Variants in APOOL observed in about 807,000 individuals in gnomAD.
APOOL encodes apolipoprotein O like.
In APOOL, 12 loss-of-function variants were observed where a neutral mutation model predicts 23.1. The observed-to-expected ratio is 0.52, with a 90% CI of 0.33 to 0.84. The LOEUF is 0.84. Among genes scored for constraint, APOOL ranks in the 40% least tolerant of loss-of-function variants. The probability of loss-of-function intolerance (pLI) is 0.02; values close to 1 mark genes in which losing one functional copy is unlikely to be tolerated. For missense variants in APOOL, 212 were observed against 199.6 expected, an observed-to-expected ratio of 1.06 and a Z score of -0.37; for synonymous variants, 77 against 69.9, an observed-to-expected ratio of 1.10 and a Z score of -0.51.
At chrX:85,049,686 C>T (rs1167635105) in intron 2 of APOOL, among the ~76,000 whole-genome samples, 1 of 110,581 alleles carries the variant, frequency 9.0e-6, no homozygotes, top group Non-Finnish European at 1.9e-5. Flanking sequence ...ACTCGGGATG[C>T]TGAGGTGAGA....
chrX:85,054,347 G>A lies in APOOL; in HGVS notation c.244G>A (p.Val82Ile). 1 of 1,186,701 alleles carries A rather than the reference G, an allele frequency of 8.4e-7. No homozygotes were observed. Among genetic ancestry groups the A allele is most frequent in the Non-Finnish European group, 1.1e-6 (1 of 882,694 alleles). Residue 82 changes from valine to isoleucine, a missense_variant, in exon 4 of 9, where the codon GTT becomes ATT. Physicochemically the swap from Val to Ile is conservative, Grantham distance 29 (BLOSUM62 3). Coordinates refer to ENST00000373173, the MANE Select transcript of APOOL (RefSeq NM_198450.6). ...CCCCCCCTTTTTTTTTGCTTAGGGT[G>A]TTTATGTCTTTGTGAAAAATGGGAT... is the stretch of plus-strand genomic sequence containing the variant. ...TGCYIGWCKG[V>I]YVFVKNGIMD...
chrX:85,048,444 T>G (rs187624580), intron 2 of APOOL, among the ~76,000 whole-genome samples: 3 of 111,841 alleles, frequency 2.7e-5, no homozygotes, highest in African/African-American at 9.7e-5. Flanking sequence ...CTGCTTATTA[T>G]GGAATATGCA....
At chrX:85,027,957 G>A (rs1375151204) in intron 1 of APOOL, among the ~76,000 whole-genome samples, 2 of 111,855 alleles carry the variant, frequency 1.8e-5, no homozygotes, top group Non-Finnish European at 3.8e-5. Flanking sequence ...AAACAATTGT[G>A]TACAGGATTT....
chrX:85,030,957 C>T (rs1922019275), intron 1 of APOOL, among the ~76,000 whole-genome samples: 1 of 111,513 alleles, frequency 9.0e-6, no homozygotes. Context: ...TTTCAGAGTT[C>T]ACCAGAATTG....
Position 85,092,553 on chromosome X carries a change from G to A in APOOL, c.*4875G>A, listed in dbSNP as rs751441801. ...AGTGCATGCAGTTACATTGAGTTGT[G>A]ATGGCTATCTGTTTAAAAACAAACA... On this transcript the variant is annotated 3_prime_UTR_variant, in exon 9 of 9. Transcript: ENST00000373173. 1.7e-6 allele frequency: 2 copies of A among 1,203,956 alleles called. No homozygotes were observed. Among genetic ancestry groups the A allele is most frequent in the Non-Finnish European group, 2.2e-6 (2 of 890,980 alleles).
At chrX:85,081,913 T>C (rs1376497012) in intron 8 of APOOL, among the ~76,000 whole-genome samples, 4 of 112,274 alleles carry the variant, frequency 3.6e-5, no homozygotes, top group Non-Finnish European at 7.5e-5. Flanking sequence ...ATGAGTCATG[T>C]AGCTCTCGTG....
intron 5 of APOOL, among the ~76,000 whole-genome samples, chrX:85,066,384 G>A (rs772540005): frequency 9.0e-6 from 1 of 111,457 alleles, no homozygotes; most frequent in East Asian, 2.8e-4. Context: ...TAAAGGAAAA[G>A]CCACACAGCT....
At chrX:85,082,594 T>C (rs767356854) in intron 8 of APOOL, among the ~76,000 whole-genome samples, 4 of 111,382 alleles carry the variant, frequency 3.6e-5, no homozygotes, top group African/African-American at 9.8e-5. Flanking sequence ...TAATATTTCA[T>C]AGCAAGTGAA....
intron 1 of APOOL, among the ~76,000 whole-genome samples, chrX:85,030,396 C>T (rs1921998579): frequency 1.8e-5 from 2 of 110,596 alleles, no homozygotes; most frequent in Non-Finnish European, 3.8e-5. Flanking sequence ...AAAAAAAACA[C>T]TACACCTTAG....
At chrX:85,037,900 T>G (rs1184849485) in intron 1 of APOOL, among the ~76,000 whole-genome samples, 1 of 111,247 alleles carries the variant, frequency 9.0e-6, no homozygotes, top group Non-Finnish European at 1.9e-5. Flanking sequence ...GTAAAAACTC[T>G]TGTAGACATC....
chrX:85,078,161 G>A (rs1190210983), intron 8 of APOOL, among the ~76,000 whole-genome samples: 2 of 111,801 alleles, frequency 1.8e-5, no homozygotes, highest in African/African-American at 6.5e-5. Flanking sequence ...TGAAGTCCTT[G>A]CCCATGCCTA....
chrX:85,042,047 A>T, intron 1 of APOOL, among the ~76,000 whole-genome samples: 1 of 111,598 alleles, frequency 9.0e-6, no homozygotes, highest in East Asian at 2.8e-4. Context: ...CAAAACAAAA[A>T]TTCTTAATAG....
Position 85,069,637 on chromosome X carries a change from AT to A in APOOL, c.486+2420del, listed in dbSNP as rs1156397745. On this transcript the variant is annotated intron_variant, in intron 6 of 8. Coordinates refer to ENST00000373173, the MANE Select transcript of APOOL (RefSeq NM_198450.6). ...AAAAAAAAAAAAAAAAAAAAAAAAA[AT>A]CTTTCCTTTTTCTCTATTTTGAAGT... Among the ~76,000 whole-genome samples, 752 of 105,174 alleles carry A rather than the reference AT, an allele frequency of 7.2e-3. 8 individuals carry two copies. The highest frequency in any genetic ancestry group is 0.011 in the Non-Finnish European group (541 of 51,233). 91.3% of individuals were successfully genotyped at this position (105,174 alleles called of 115,157 possible). A position where few individuals can be genotyped will look rare whatever the true frequency, so the allele number is the denominator to read the frequency against.
At chrX:85,086,751 G>C (rs969642736) in intron 8 of APOOL, among the ~76,000 whole-genome samples, 1 of 94,880 alleles carries the variant, frequency 1.1e-5, no homozygotes, top group Non-Finnish European at 2.1e-5. Context: ...CCAGGTTGGA[G>C]TGCAGTGGCG....
intron 4 of APOOL, among the ~76,000 whole-genome samples, chrX:85,054,658 G>T (rs892278637): frequency 7.2e-5 from 8 of 110,906 alleles, no homozygotes; most frequent in African/African-American, 2.3e-4. Flanking sequence ...TCACAATTAT[G>T]TTAGTATTGG....
At chrX:85,086,044 G>C (rs768043068) in intron 8 of APOOL, among the ~76,000 whole-genome samples, 1 of 112,244 alleles carries the variant, frequency 8.9e-6, no homozygotes, top group African/African-American at 3.2e-5. Context: ...GTGGGATTAT[G>C]AGATAATGCA....
intron 1 of APOOL, among the ~76,000 whole-genome samples, chrX:85,041,784 G>A (rs971469017): frequency 2.7e-5 from 3 of 111,168 alleles, no homozygotes; most frequent in African/African-American, 9.8e-5. Context: ...AAGTGTGAGT[G>A]TCTGGGGGCT....
intron 7 of APOOL, 26 bp downstream of exon 7, chrX:85,074,137 T>C (rs1923763377): frequency 2.6e-6 from 3 of 1,151,555 alleles, no homozygotes; most frequent in African/African-American, 1.8e-5. Flanking sequence ...AGCAAGACGG[T>C]CAACATTGAG....
At chrX:85,071,361 A>G (rs1923658388) in intron 6 of APOOL, among the ~76,000 whole-genome samples, 2 of 110,825 alleles carry the variant, frequency 1.8e-5, no homozygotes, top group South Asian at 7.7e-4. Flanking sequence ...TATATTGAGT[A>G]TATTTTTGTA....
Sources: gnomAD v4.1 joint callset for allele counts (sites outside exome capture counted in the v4.1 genomes callset) on GRCh38, gnomAD v4.1.1 for gene constraint, MANE v1.5 for transcripts, NCBI Gene and HGNC (gene_info 2026-07-23, HGNC 2026-07-21) for gene names.